The following HABP4 variants were observed in gnomAD, a reference collection of about 807,000 sequenced individuals.
HABP4 encodes intracellular hyaluronan-binding protein 4.
HABP4 carries 32 observed loss-of-function variants against 44.1 expected under a neutral mutation model. That is an observed-to-expected ratio of 0.73 (90% CI 0.55 to 0.97). The LOEUF (loss-of-function observed/expected upper bound fraction) is 0.97. Among genes scored for constraint, HABP4 ranks in the 50% least tolerant of loss-of-function variants. HABP4 has a pLI of 0.00. For synonymous variants in HABP4, 216 were observed against 218.0 expected, an observed-to-expected ratio of 0.99 and a Z score of 0.08; for missense variants, 503 against 561.9, an observed-to-expected ratio of 0.90 and a Z score of 1.06.
rs117199816 is a variant in HABP4 at position 96,471,551 on chromosome 9, A to G, written c.827+457A>G. 9.4e-3 allele frequency among the ~76,000 whole-genome samples: 1,425 copies of G among 152,280 alleles called. 13 individuals carry two copies. Among genetic ancestry groups the G allele is most frequent in the Non-Finnish European group, 0.014 (982 of 68,012 alleles). ...TGACTGGTGATCAAACTAATTAATA[A>G]TTAGTTCAGACAACCTAATGAATAT... On this transcript the variant is annotated intron_variant, in intron 5 of 7. Coordinates refer to ENST00000375249, the MANE Select transcript of HABP4 (RefSeq NM_014282.4).
chr9:96,464,959 A>G (rs553200151), intron 2 of HABP4, among the ~76,000 whole-genome samples: 3 of 152,268 alleles, frequency 2.0e-5, no homozygotes, highest in Admixed American at 2.0e-4. Flanking sequence ...CAACATTCTC[A>G]TTTTTTGAGT....
intron 5 of HABP4, among the ~76,000 whole-genome samples, chr9:96,481,963 TCTCA>T (rs1049950036): frequency 2.7e-5 from 4 of 149,386 alleles, no homozygotes; most frequent in African/African-American, 5.0e-5. Flanking sequence ...TGAGATGGAA[TCTCA>T]CTCTGTTGTC....
intron 6 of HABP4, among the ~76,000 whole-genome samples, chr9:96,485,788 T>TGAGC (rs1319803533): frequency 2.6e-5 from 4 of 152,094 alleles, no homozygotes; most frequent in Non-Finnish European, 5.9e-5. Context: ...GAGGTGGGAG[T>TGAGC]GAGCAGGTAG....
rs1833013886 is a variant in HABP4 at position 96,488,392 on chromosome 9, T to C, written c.1185+118T>C. 3.0e-6 allele frequency: 2 copies of C among 660,150 alleles called. No individual in the cohort carries two copies. The highest frequency in any genetic ancestry group is 5.1e-6 in the Non-Finnish European group (2 of 390,694). The allele number at this position is 660,150 out of a possible 1,614,324, so 40.9% of individuals were successfully genotyped here. Reference sequence around the variant, plus strand: ...TGCAGTCACTTCTTTCTGTAGCTAGTGTGGGACTGATGTTGGGGCATTTGG... The same window carrying C: ...TGCAGTCACTTCTTTCTGTAGCTAGCGTGGGACTGATGTTGGGGCATTTGG... On this transcript the variant is annotated intron_variant, in intron 7 of 7. Transcript: ENST00000375249. The surrounding 1 kb of genome is among the most constrained non-coding windows in gnomAD (Gnocchi z 4.6).
chr9:96,461,945 T>G (rs1313694449), intron 2 of HABP4, among the ~76,000 whole-genome samples: 1 of 151,232 alleles, frequency 6.6e-6, no homozygotes, highest in Non-Finnish European at 1.5e-5. Flanking sequence ...TCACCTGAGG[T>G]CAGGAGTTCA....
intron 1 of HABP4, among the ~76,000 whole-genome samples, chr9:96,451,224 C>T (rs933819998): frequency 6.6e-6 from 1 of 152,238 alleles, no homozygotes; most frequent in Non-Finnish European, 1.5e-5. Context: ...TTCAGTACTT[C>T]GTGTGGTGTT....
intron 4 of HABP4, among the ~76,000 whole-genome samples, chr9:96,466,890 G>A (rs1348619446): frequency 2.6e-5 from 4 of 151,788 alleles, no homozygotes; most frequent in Non-Finnish European, 5.9e-5. Context: ...GGGGATCCAG[G>A]CTTCCACTTT....
At chr9:96,481,926 C>T (rs940227224) in intron 5 of HABP4, among the ~76,000 whole-genome samples, 1 of 149,558 alleles carries the variant, frequency 6.7e-6, no homozygotes, top group Non-Finnish European at 1.5e-5. Flanking sequence ...TCACCACCAT[C>T]CATCTCTAGA....
At chr9:96,454,459 T>A (rs983385770) in intron 1 of HABP4, among the ~76,000 whole-genome samples, 1 of 149,724 alleles carries the variant, frequency 6.7e-6, no homozygotes, top group African/African-American at 2.5e-5. Flanking sequence ...TTTTTTTTTT[T>A]TTTTTTTTTG....
chr9:96,469,125 A>G (rs1419244808), intron 4 of HABP4, among the ~76,000 whole-genome samples: 15 of 152,234 alleles, frequency 9.9e-5, no homozygotes, highest in Admixed American at 9.8e-4. Flanking sequence ...ACAGTTTGAC[A>G]GCGGTAAAAT....
Position 96,450,576 on chromosome 9 carries a change from G to C in HABP4, c.297G>C (p.Pro99=). ...CGCAGAAGGAGCGCAAGAGCCTCCC[G>C]GCGCCCGTCGCTCAGCGGCCCGATA... ...RESQKERKSL[P]APVAQRPDSP... The change falls in exon 1 of 8, where the codon CCG becomes CCC. Residue 99 remains proline (P), a synonymous_variant. Transcript: ENST00000375249. The surrounding 1 kb of genome is among the most constrained non-coding windows in gnomAD (Gnocchi z 4.8). 7.8e-7 allele frequency: 1 copy of C among 1,280,016 alleles called. No homozygotes were observed. Among genetic ancestry groups the C allele is most frequent in the Non-Finnish European group, 9.9e-7 (1 of 1,013,540 alleles). The allele number at this position is 1,280,016 out of a possible 1,614,324, so 79.3% of individuals were successfully genotyped here.
chr9:96,466,922 CTTT>C (rs200696039), intron 4 of HABP4, among the ~76,000 whole-genome samples: 2 of 134,898 alleles, frequency 1.5e-5, no homozygotes, highest in Non-Finnish European at 3.2e-5. Context: ...AGAATATAAG[CTTT>C]TTTTTTTTTT....
chr9:96,467,009 G>A (rs1356719522), intron 4 of HABP4, among the ~76,000 whole-genome samples: 2 of 144,794 alleles, frequency 1.4e-5, no homozygotes, highest in African/African-American at 2.6e-5. Context: ...TGCAACCTCC[G>A]CTGCCCAGGT....
At chr9:96,482,528 T>A (rs1832896644) in intron 5 of HABP4, among the ~76,000 whole-genome samples, 1 of 152,224 alleles carries the variant, frequency 6.6e-6, no homozygotes, top group African/African-American at 2.4e-5. Context: ...TTTTAATCCT[T>A]TTAAAGTGTA....
chr9:96,490,762 C>T lies in HABP4; in HGVS notation c.*724C>T, dbSNP rs960214790. 1 of 152,128 alleles carries T rather than the reference C, an allele frequency of 6.6e-6. No homozygotes were observed. The highest frequency in any genetic ancestry group is 6.5e-5 in the Admixed American group (1 of 15,274). 9.4% of individuals were successfully genotyped at this position (152,128 alleles called of 1,614,324 possible). On this transcript the variant is annotated 3_prime_UTR_variant, in exon 8 of 8. Transcript: ENST00000375249. ...TTCAAAAACCATGTTATTTAACCTG[C>T]CAATCAAATGGAAAGGGATCATGGC...
chr9:96,459,709 A>C (rs528802569), intron 2 of HABP4, among the ~76,000 whole-genome samples: 1 of 152,130 alleles, frequency 6.6e-6, no homozygotes, highest in African/African-American at 2.4e-5. Context: ...TAACCAAAAA[A>C]TGTGGCTTTG....
intron 1 of HABP4, among the ~76,000 whole-genome samples, chr9:96,457,210 T>C (rs1832409151): frequency 6.6e-6 from 1 of 151,520 alleles, no homozygotes; most frequent in Non-Finnish European, 1.5e-5. Flanking sequence ...CTACTGAAAA[T>C]ACAACATTAG....
intron 2 of HABP4, among the ~76,000 whole-genome samples, chr9:96,460,054 T>C (rs1832473197): frequency 6.6e-6 from 1 of 152,168 alleles, no homozygotes; most frequent in South Asian, 2.1e-4. Flanking sequence ...TCTGTGGAAA[T>C]GAGGAAATTA....
At chr9:96,458,580 A>G in intron 2 of HABP4, 39 bp downstream of exon 2, 1 of 1,430,986 alleles carries the variant, frequency 7.0e-7, no homozygotes. Context: ...GTGGGGAACC[A>G]GAAAGGTTTT....
Sources: allele counts gnomAD v4.1 joint callset (sites outside exome capture counted in the v4.1 genomes callset), GRCh38; gene constraint gnomAD v4.1.1; non-coding constraint Gnocchi (gnomAD v3.1); transcripts MANE v1.5; gene names NCBI Gene and HGNC (gene_info 2026-07-23, HGNC 2026-07-21).